TOR1AIP2: variants seen among roughly 807,000 people sequenced by gnomAD.
The protein encoded by TOR1AIP2 is torsin-1A-interacting protein 2.
In TOR1AIP2, 20 loss-of-function variants were observed where a neutral mutation model predicts 32.6. That is an observed-to-expected ratio of 0.61 (90% CI 0.43 to 0.89). The LOEUF is 0.89. TOR1AIP2 is among the 40% of genes least tolerant of loss of function. TOR1AIP2 has a pLI of 0.00. For synonymous variants in TOR1AIP2, 214 were observed against 210.8 expected (o/e 1.02, Z -0.13); for missense variants, 456 against 553.8 (o/e 0.82, Z 1.77).
At chr1:179,862,432 TTCAG>T in intron 3 of TOR1AIP2, 5 of 985,300 alleles carry the variant, frequency 5.1e-6, no homozygotes, top group Non-Finnish European at 6.0e-6. Flanking sequence ...CTAACTAGTC[TTCAG>T]TCAATTTAGC....
chr1:179,849,797 A>G (rs1440894091), intron 5 of TOR1AIP2, among the ~76,000 whole-genome samples: 1 of 152,264 alleles, frequency 6.6e-6, no homozygotes, highest in Non-Finnish European at 1.5e-5. Context: ...GTCCTTACAG[A>G]TCACATTCAT....
chr1:179,861,329 T>C (rs1474666549), intron 3 of TOR1AIP2: 5 of 985,332 alleles, frequency 5.1e-6, no homozygotes, highest in Non-Finnish European at 4.8e-6. Context: ...TGCAATATTT[T>C]AAGCCATATG....
At chr1:179,851,658 G>C (rs4301600) in intron 4 of TOR1AIP2, among the ~76,000 whole-genome samples, 3 of 152,002 alleles carry the variant, frequency 2.0e-5, no homozygotes, top group Non-Finnish European at 4.4e-5. Flanking sequence ...CTCATCAATG[G>C]TAGCAAAACC....
intron 6 of TOR1AIP2, among the ~76,000 whole-genome samples, 186 bp downstream of exon 6, chr1:179,847,349 A>T (rs1033170804): frequency 5.3e-5 from 8 of 152,252 alleles, no homozygotes; most frequent in Non-Finnish European, 1.0e-4. Flanking sequence ...AATATCAGCC[A>T]GCACCCGTAA....
At chr1:179,859,329 A>G in intron 3 of TOR1AIP2, 1 of 880,340 alleles carries the variant, frequency 1.1e-6, no homozygotes, top group Non-Finnish European at 1.4e-6. Context: ...GAGGAAACTG[A>G]GATACAGAAA....
intron 2 of TOR1AIP2, among the ~76,000 whole-genome samples, chr1:179,869,920 A>G (rs1696945621): frequency 6.6e-6 from 1 of 152,142 alleles, no homozygotes. Context: ...ATGGAGTGCT[A>G]TTTTCTGTTC....
intron 3 of TOR1AIP2, chr1:179,865,102 C>G: frequency 6.2e-7 from 1 of 1,614,012 alleles, no homozygotes; most frequent in Non-Finnish European, 8.5e-7. Flanking sequence ...CAGTTTGGTA[C>G]AACCAGTGGC....
chr1:179,860,797 C>A, intron 3 of TOR1AIP2: 1 of 985,410 alleles, frequency 1.0e-6, no homozygotes, highest in Non-Finnish European at 1.2e-6. Context: ...AAGCTGTGTC[C>A]CCAAAATTCC....
In TOR1AIP2 at chr1:179,851,309, G is replaced by A; in HGVS notation, c.89C>T (p.Thr30Ile). The change falls in exon 5 of 7, where the codon ACC becomes ATC. Residue 30 changes from threonine (T) to isoleucine (I), a missense_variant. Transcript: ENST00000609928. ...DPSVNSQAQE[T>I]TIIASNAEEA... ...TTCAGCATTACTTGCTATGATTGTG[G>A]TCTCCTGCGCCTGAGAATTTACTGA... The A allele has an allele frequency of 3.7e-6, 6 of 1,604,010 alleles. No individual in the cohort carries two copies. Among genetic ancestry groups the A allele is most frequent in the Non-Finnish European group, 5.1e-6 (6 of 1,178,334 alleles).
At chr1:179,862,312 A>C in intron 3 of TOR1AIP2, 1 of 983,740 alleles carries the variant, frequency 1.0e-6, no homozygotes, top group South Asian at 4.7e-5. Flanking sequence ...TTTAGGGGCA[A>C]TAATACTGAT....
chr1:179,857,414 G>C (rs568801405), intron 3 of TOR1AIP2, among the ~76,000 whole-genome samples: 1 of 152,264 alleles, frequency 6.6e-6, no homozygotes, highest in East Asian at 1.9e-4. Context: ...CTAGACGGCC[G>C]GCTGAGGGAT....
chr1:179,875,063 G>A (rs542267916), intron 2 of TOR1AIP2: 4 of 152,906 alleles, frequency 2.6e-5, no homozygotes, highest in South Asian at 2.1e-4. Context: ...GCAATGGCGC[G>A]TACTCAGCTC....
intron 5 of TOR1AIP2, among the ~76,000 whole-genome samples, chr1:179,849,061 G>A (rs916133680): frequency 2.6e-5 from 4 of 152,074 alleles, no homozygotes; most frequent in African/African-American, 9.7e-5. Flanking sequence ...GCGTGAATCC[G>A]GGAGGCGGAG....
chr1:179,860,575 A>C (rs997897975), intron 3 of TOR1AIP2: 1 of 985,316 alleles, frequency 1.0e-6, no homozygotes, highest in Non-Finnish European at 1.2e-6. Flanking sequence ...CTCATCCTAA[A>C]GATTTAGTAT....
In TOR1AIP2 at chr1:179,864,682, G is replaced by T; in HGVS notation, c.-147+754C>A. Reference sequence around the variant, plus strand: ...CAATTTAAGCAGTTCCCAAAGTAGTGACAATCTGGGTCAGACTTAGAAATG... The same window carrying T: ...CAATTTAAGCAGTTCCCAAAGTAGTTACAATCTGGGTCAGACTTAGAAATG... On this transcript the variant is annotated intron_variant, in intron 3 of 6. Coordinates refer to ENST00000609928, the MANE Select transcript of TOR1AIP2 (RefSeq NM_001199260.2). 6.7e-7 allele frequency: 1 copy of T among 1,494,836 alleles called. No homozygotes were observed. Among genetic ancestry groups the T allele is most frequent in the African/African-American group, 1.4e-5 (1 of 71,556 alleles). The allele number at this position is 1,494,836 out of a possible 1,614,324, so 92.6% of individuals were successfully genotyped here. A position where few individuals can be genotyped will look rare whatever the true frequency, so the allele number is the denominator to read the frequency against.
intron 3 of TOR1AIP2, chr1:179,864,987 G>C: frequency 6.2e-7 from 1 of 1,614,008 alleles, no homozygotes. Flanking sequence ...GACCAAGGAA[G>C]AACAAGGCTT....
rs111858130 is a variant in TOR1AIP2 at position 179,842,058 on chromosome 1, G to C, written c.*4013C>G. 0.025 allele frequency: 3,871 copies of C among 152,342 alleles called. 157 individuals carry two copies. Among genetic ancestry groups the C allele is most frequent in the African/African-American group, 0.089 (3,698 of 41,540 alleles). The allele number at this position is 152,342 out of a possible 1,614,324, so 9.4% of individuals were successfully genotyped here. A position where few individuals can be genotyped will look rare whatever the true frequency, so the allele number is the denominator to read the frequency against. On this transcript the variant is annotated 3_prime_UTR_variant, in exon 7 of 7. Transcript: ENST00000609928. ...TCTACCAAAAATACAAAAATTAGCT[G>C]GGCGTGATGGCACGTGCCTGTAATC...
At chr1:179,862,666 G>A (rs1696591018) in intron 3 of TOR1AIP2, 1 of 984,998 alleles carries the variant, frequency 1.0e-6, no homozygotes, top group South Asian at 4.7e-5. Flanking sequence ...CGGTGGCTAT[G>A]CCTGTAATCC....
Position 179,846,631 on chromosome 1 carries a change from G to A in TOR1AIP2, c.853C>T (p.Leu285Phe), listed in dbSNP as rs1695916879. ...GGCTCAGTGGGGTTGGAAGCATTGA[G>A]GTGCTTCTGGAGAAACTTCCGTCCT... is the stretch of plus-strand genomic sequence containing the variant. ...QRGRKFLQKH[L>F]NASNPTEPAT... is the part of the protein sequence containing the mutation. Residue 285 changes from leucine (L) to phenylalanine (F), a missense_variant, in exon 7 of 7, where the codon CTC (leucine) becomes TTC (phenylalanine). By Grantham distance (22) the Leu-to-Phe change is conservative. Transcript: ENST00000609928. The A allele has an allele frequency of 1.2e-6, 2 of 1,614,100 alleles. No individual in the cohort carries two copies. The highest frequency in any genetic ancestry group is 1.3e-5 in the African/African-American group (1 of 75,030).
Sources: allele counts gnomAD v4.1 joint callset (sites outside exome capture counted in the v4.1 genomes callset), GRCh38; gene constraint gnomAD v4.1.1; transcripts MANE v1.5; gene names NCBI Gene and HGNC (gene_info 2026-07-23, HGNC 2026-07-21).